MYO9B: variants seen among roughly 807,000 people sequenced by gnomAD.
The protein encoded by MYO9B is myosin IXB, also known as unconventional myosin-IXb.
A neutral mutation model predicts 229.5 loss-of-function variants in MYO9B; 71 were observed. That is an observed-to-expected ratio of 0.31 (90% CI 0.26 to 0.38). MYO9B has a LOEUF of 0.38. Among genes scored for constraint, MYO9B ranks in the 10% least tolerant of loss-of-function variants. The probability of loss-of-function intolerance (pLI) is 1.00; values close to 1 mark genes in which losing one functional copy is unlikely to be tolerated. For missense variants in MYO9B, 2,255 were observed against 2,920.5 expected, an observed-to-expected ratio of 0.77 and a Z score of 5.25; for synonymous variants, 1,185 against 1,235.8, an observed-to-expected ratio of 0.96 and a Z score of 0.86.
chr19:17,083,851 A>G (rs1366759317), intron 1 of MYO9B, among the ~76,000 whole-genome samples: 1 of 151,728 alleles, frequency 6.6e-6, no homozygotes, highest in Non-Finnish European at 1.5e-5. Context: ...GAATTTCACC[A>G]TGTTGGCCAG....
Position 17,206,286 on chromosome 19 carries a change from G to T in MYO9B, c.5296G>T (p.Ala1766Ser). 1 of 1,429,132 alleles carries T rather than the reference G, an allele frequency of 7.0e-7. No individual in the cohort carries two copies. The highest frequency in any genetic ancestry group is 9.3e-7 in the Non-Finnish European group (1 of 1,079,880). The allele number at this position is 1,429,132 out of a possible 1,614,324, so 88.5% of individuals were successfully genotyped here. Residue 1766 changes from alanine to serine, a missense_variant, in exon 33 of 40, where the codon GCC (alanine) becomes TCC (serine). Coordinates refer to ENST00000682292, the MANE Select transcript of MYO9B (RefSeq NM_004145.4). Reference sequence around the variant, plus strand: ...CAAGCTGGAGAACTTCCCCATCCACGCCATCACAGGGGTGCTGAAGCAGTG... The same window carrying T: ...CAAGCTGGAGAACTTCCCCATCCACTCCATCACAGGGGTGCTGAAGCAGTG... The part of the protein sequence containing the change: ...AVKLENFPIH[A>S]ITGVLKQWLR...
intron 24 of MYO9B, among the ~76,000 whole-genome samples, chr19:17,198,778 C>T (rs2073075317): frequency 6.6e-6 from 1 of 150,402 alleles, no homozygotes; most frequent in Non-Finnish European, 1.5e-5. Flanking sequence ...CAGGATCCTT[C>T]CTGCCTCTTC....
chr19:17,180,904 G>C (rs1054224175), intron 14 of MYO9B, 23 bp from the exon 15 acceptor site: 1 of 1,511,268 alleles, frequency 6.6e-7, no homozygotes. Context: ...CTGTCACTGC[G>C]CCCCCTCCAC....
At chr19:17,171,681 G>A (rs955953235) in intron 11 of MYO9B, among the ~76,000 whole-genome samples, 1 of 152,204 alleles carries the variant, frequency 6.6e-6, no homozygotes, top group Non-Finnish European at 1.5e-5. Context: ...GCTGGGCGCG[G>A]TGGCTCACGC....
In MYO9B at chr19:17,211,763, G is replaced by T. The variant is rs776712233; in HGVS notation, c.6047G>T (p.Gly2016Val). ...ESLLEERAGR[G>V]ASEGPPAPAL... ...CTGCTGGAGGAGCGGGCCGGGCGGG[G>T]GGCCTCGGAAGGTCAGTATTAAGGT... is the stretch of plus-strand genomic sequence containing the variant. The change falls in exon 39 of 40, where the codon GGG becomes GTG. Residue 2016 changes from glycine to valine, a missense_variant. Physicochemically the swap from Gly to Val is moderately radical, Grantham distance 109. Transcript: ENST00000682292. The T allele has an allele frequency of 1.2e-6, 2 of 1,612,948 alleles. No individual in the cohort carries two copies. The highest frequency in any genetic ancestry group is 2.7e-5 in the African/African-American group (2 of 74,790).
rs756514879 is a variant in MYO9B at position 17,209,719 on chromosome 19, G to A, written c.5748+10G>A. ...CCTGCGACAAAATGCTGTGAGTACCGGTGATCGTGGGGGCGGGACCTCTTT... is the reference window on the plus strand; with the variant it reads ...CCTGCGACAAAATGCTGTGAGTACCAGTGATCGTGGGGGCGGGACCTCTTT... On this transcript the variant is annotated intron_variant, in intron 36 of 39. Coordinates refer to ENST00000682292, the MANE Select transcript of MYO9B (RefSeq NM_004145.4). The A allele has an allele frequency of 2.2e-5, 35 of 1,613,364 alleles. No homozygotes were observed. Among genetic ancestry groups the A allele is most frequent in the Non-Finnish European group, 2.7e-5 (32 of 1,179,700 alleles).
At position 17,193,180 on chromosome 19, in the gene MYO9B, C is replaced by T; in HGVS notation, c.3128+118C>T. On this transcript the variant is annotated intron_variant, in intron 21 of 39. Transcript: ENST00000682292. The surrounding 1 kb of genome is among the most constrained non-coding windows in gnomAD (Gnocchi z 4.3). ...GGCACTAAGGGGATGTCATTCTGGA[C>T]ACAGGGAAAGGCTGGTGGGAAACCA... 1 of 1,184,232 alleles carries T rather than the reference C, an allele frequency of 8.4e-7. No homozygotes were observed. Among genetic ancestry groups the T allele is most frequent in the South Asian group, 1.9e-5 (1 of 54,044 alleles). 73.4% of individuals were successfully genotyped at this position (1,184,232 alleles called of 1,614,324 possible).
chr19:17,203,080 A>G, intron 29 of MYO9B, 67 bp from the exon 30 acceptor site: 1 of 1,439,942 alleles, frequency 6.9e-7, no homozygotes, highest in Non-Finnish European at 9.5e-7. Context: ...ATGGGTCGTC[A>G]TCCACCAGTG....
intron 1 of MYO9B, among the ~76,000 whole-genome samples, chr19:17,077,677 C>T (rs1483546397): frequency 1.3e-5 from 2 of 152,166 alleles, no homozygotes; most frequent in Non-Finnish European, 2.9e-5. Flanking sequence ...GTTTTTCAAC[C>T]TTGAAACCCA....
intron 2 of MYO9B, among the ~76,000 whole-genome samples, chr19:17,114,920 T>C (rs1258892313): frequency 3.6e-5 from 5 of 139,554 alleles, no homozygotes; most frequent in Admixed American, 7.2e-5. Context: ...CAGTTGCTTT[T>C]CCCCTTTTTT....
intron 1 of MYO9B, among the ~76,000 whole-genome samples, chr19:17,096,941 C>T (rs2123508527): frequency 6.6e-6 from 1 of 151,342 alleles, no homozygotes; most frequent in Non-Finnish European, 1.5e-5. Context: ...CCGCCCGCCT[C>T]TGCTTCCCAA....
rs540826280 is a variant in MYO9B, at chr19:17,199,501, G to GT, written c.4239-785dup. Among the ~76,000 whole-genome samples, 13 of 151,054 alleles carry GT rather than the reference G, an allele frequency of 8.6e-5. No individual in the cohort carries two copies. The South Asian group carries it at 2.1e-3, about 24-fold the overall frequency. ...GCTCTTTATAAGATAATCCTGTGTT[G>GT]TTTTTTTGTTTGTTTTTTTTTTGAG... On this transcript the variant is annotated intron_variant, in intron 24 of 39. Transcript: ENST00000682292.
At chr19:17,143,330 T>C (rs2072365640) in intron 2 of MYO9B, among the ~76,000 whole-genome samples, 3 of 152,146 alleles carry the variant, frequency 2.0e-5, no homozygotes, top group Admixed American at 2.0e-4. Flanking sequence ...TATACACCTC[T>C]GTATTTTTCA....
rs1452655783 is a variant in MYO9B, at chr19:17,195,545, C to A, written c.4046+72C>A. The A allele has an allele frequency of 6.6e-7, 1 of 1,510,992 alleles. No individual in the cohort carries two copies. Among genetic ancestry groups the A allele is most frequent in the African/African-American group, 1.4e-5 (1 of 72,544 alleles). 93.6% of individuals were successfully genotyped at this position (1,510,992 alleles called of 1,614,324 possible). On this transcript the variant is annotated intron_variant, in intron 22 of 39. Transcript: ENST00000682292. The surrounding 1 kb of genome is among the most constrained non-coding windows in gnomAD (Gnocchi z 4.5). ...GTGGGCAAGGCCAGGGGCAGTGCCACACATCCTGGAAACACATGTGTAATC... is the reference window on the plus strand; with the variant it reads ...GTGGGCAAGGCCAGGGGCAGTGCCAAACATCCTGGAAACACATGTGTAATC...
At chr19:17,163,811 C>G (rs2072630860) in intron 10 of MYO9B, among the ~76,000 whole-genome samples, 1 of 152,198 alleles carries the variant, frequency 6.6e-6, no homozygotes, top group African/African-American at 2.4e-5. Flanking sequence ...GTCAGAATTT[C>G]CTTCCTTTTC....
chr19:17,177,987 G>A (rs1310400725), intron 14 of MYO9B: 1 of 152,222 alleles, frequency 6.6e-6, no homozygotes, highest in Non-Finnish European at 1.5e-5. Context: ...AGACAGAGAG[G>A]ACTGGCCGTT....
rs1171444204 is a variant in MYO9B, at chr19:17,181,036, A to G, written c.2329A>G (p.Ile777Val). ...TCGGCTCCAGAAACCCCGCGCCTTC[A>G]TCCTGTGAGTCCCCCACCAAGGCCC... is the stretch of plus-strand genomic sequence containing the variant. ...LSRLQKPRAFILKSKGIKQKQ... is the reference protein window; with the variant it reads ...LSRLQKPRAFVLKSKGIKQKQ... The change falls in exon 15 of 40, where the codon ATC becomes GTC. Residue 777 changes from isoleucine to valine, a missense_variant. By Grantham distance (29) the Ile-to-Val change is conservative. Around this residue, in one of 7 missense-constraint regions of MYO9B, gnomAD observed 155 missense variants for 159.1 expected, o/e 0.97. Transcript: ENST00000682292. 1 of 1,604,392 alleles carries G rather than the reference A, an allele frequency of 6.2e-7. No homozygotes were observed.
chr19:17,127,548 T>C (rs2072139519), intron 2 of MYO9B, among the ~76,000 whole-genome samples: 1 of 152,124 alleles, frequency 6.6e-6, no homozygotes, highest in South Asian at 2.1e-4. Flanking sequence ...AGGCTGGTCA[T>C]GAACTCCTGA....
chr19:17,204,439 C>T (rs1355839577), intron 30 of MYO9B, among the ~76,000 whole-genome samples: 3 of 151,234 alleles, frequency 2.0e-5, no homozygotes, highest in Admixed American at 6.6e-5. Context: ...GCTCATGGTT[C>T]CGCTAGCCAG....
Sources: allele counts gnomAD v4.1 joint callset (sites outside exome capture counted in the v4.1 genomes callset), GRCh38; gene constraint gnomAD v4.1.1; regional missense constraint gnomAD v4.1.1; non-coding constraint Gnocchi (gnomAD v3.1); transcripts MANE v1.5; gene names NCBI Gene and HGNC (gene_info 2026-07-23, HGNC 2026-07-21).